Variants in LRRC4C observed in about 807,000 individuals in gnomAD.
The protein encoded by LRRC4C is leucine-rich repeat-containing protein 4C.
In LRRC4C, 5 loss-of-function variants were observed where a neutral mutation model predicts 33.6. The observed-to-expected ratio is 0.15, with a 90% confidence interval of 0.08 to 0.31. LRRC4C has a LOEUF of 0.31. Among genes scored for constraint, LRRC4C ranks in the 10% least tolerant of loss-of-function variants. The pLI, the probability that LRRC4C is intolerant of heterozygous loss-of-function variation, is 1.00. For synonymous variants in LRRC4C, 329 were observed against 302.0 expected, an observed-to-expected ratio of 1.09 and a Z score of -0.93; for missense variants, 560 against 796.7, an observed-to-expected ratio of 0.70 and a Z score of 3.58.
chr11:40,396,230 T>A (rs11035820), intron 3 of LRRC4C, among the ~76,000 whole-genome samples: 2 of 152,054 alleles, frequency 1.3e-5, no homozygotes, highest in Non-Finnish European at 2.9e-5. Context: ...GTTTCTGTTT[T>A]TTATTATTTT....
At chr11:40,288,541 A>G (rs12787379) in intron 4 of LRRC4C, among the ~76,000 whole-genome samples, 1 of 152,186 alleles carries the variant, frequency 6.6e-6, no homozygotes, top group African/African-American at 2.4e-5. Context: ...AAGGAAATGG[A>G]CAGAAAACAG....
chr11:40,731,214 G>A (rs1947566414), intron 2 of LRRC4C, among the ~76,000 whole-genome samples: 1 of 152,048 alleles, frequency 6.6e-6, no homozygotes. Flanking sequence ...AGCTACTCGG[G>A]AGGCTGAGGC....
At chr11:40,802,379 A>G (rs994687092) in intron 2 of LRRC4C, among the ~76,000 whole-genome samples, 1 of 152,162 alleles carries the variant, frequency 6.6e-6, no homozygotes, top group African/African-American at 2.4e-5. Context: ...TCACTTACAC[A>G]TGATTTAATA....
At chr11:40,701,151 C>T (rs954098847) in intron 2 of LRRC4C, among the ~76,000 whole-genome samples, 12 of 152,138 alleles carry the variant, frequency 7.9e-5, no homozygotes, top group Non-Finnish European at 1.2e-4. Flanking sequence ...TCAAAAAGAT[C>T]TCAATTGAAC....
chr11:41,090,194 A>G (rs745325183), intron 1 of LRRC4C, among the ~76,000 whole-genome samples: 15 of 152,134 alleles, frequency 9.9e-5, no homozygotes, highest in Non-Finnish European at 2.2e-4. Context: ...TGTGCATAAT[A>G]TGAGTTATAT....
intron 5 of LRRC4C, among the ~76,000 whole-genome samples, chr11:40,191,024 G>A (rs971209942): frequency 2.0e-5 from 3 of 152,098 alleles, no homozygotes; most frequent in Non-Finnish European, 1.5e-5. Context: ...AGCTACTATT[G>A]CTACTACTAT....
At chr11:40,751,683 A>G (rs1948697550) in intron 2 of LRRC4C, among the ~76,000 whole-genome samples, 1 of 152,140 alleles carries the variant, frequency 6.6e-6, no homozygotes, top group Admixed American at 6.6e-5. Context: ...TGCCCAAAGC[A>G]ATATACAAAT....
At chr11:40,362,952 A>G (rs1948026232) in intron 3 of LRRC4C, among the ~76,000 whole-genome samples, 1 of 152,196 alleles carries the variant, frequency 6.6e-6, no homozygotes, top group Non-Finnish European at 1.5e-5. Context: ...GGGAACACTT[A>G]CACGCTGTTG....
intron 5 of LRRC4C, among the ~76,000 whole-genome samples, chr11:40,158,399 C>T (rs1565067921): frequency 6.6e-6 from 1 of 151,894 alleles, no homozygotes; most frequent in African/African-American, 2.4e-5. Context: ...ACCTGTACCC[C>T]AATAACTTAA....
intron 1 of LRRC4C, among the ~76,000 whole-genome samples, chr11:41,143,275 C>T: frequency 6.6e-6 from 1 of 151,596 alleles, no homozygotes. Context: ...AACATGAATA[C>T]ATTCTTTTTA....
At chr11:41,433,066 A>G (rs1003657098) in intron 1 of LRRC4C, among the ~76,000 whole-genome samples, 6 of 152,154 alleles carry the variant, frequency 3.9e-5, no homozygotes, top group South Asian at 2.1e-4. Context: ...CAATGCCTCA[A>G]TAAAACACCT....
intron 2 of LRRC4C, among the ~76,000 whole-genome samples, chr11:40,905,142 C>T (rs898938870): frequency 6.6e-6 from 1 of 152,002 alleles, no homozygotes; most frequent in East Asian, 1.9e-4. Flanking sequence ...GTGGAATAGG[C>T]GGGGAGGATT....
chr11:41,078,619 A>G (rs769770681), intron 1 of LRRC4C, among the ~76,000 whole-genome samples: 1 of 152,084 alleles, frequency 6.6e-6, no homozygotes, highest in Non-Finnish European at 1.5e-5. Context: ...GTGAGAACTC[A>G]CTCATTAAGA....
At chr11:40,247,661 T>TC (rs895254252) in intron 4 of LRRC4C, among the ~76,000 whole-genome samples, 2 of 151,696 alleles carry the variant, frequency 1.3e-5, no homozygotes, top group African/African-American at 4.8e-5. Context: ...CTCTGCTTTT[T>TC]GTGTGTGCGT....
intron 2 of LRRC4C, among the ~76,000 whole-genome samples, chr11:40,665,898 A>G (rs1943781306): frequency 6.6e-6 from 1 of 152,126 alleles, no homozygotes; most frequent in Non-Finnish European, 1.5e-5. Flanking sequence ...AATACAATAT[A>G]TGGCAGAAAA....
chr11:41,163,281 A>ATTTTTTTTTTTTTTTT (rs1944553967), intron 1 of LRRC4C, among the ~76,000 whole-genome samples: 1 of 23,770 alleles, frequency 4.2e-5, no homozygotes, highest in Admixed American at 7.3e-4. Flanking sequence ...GTTTACTGTA[A>ATTTTTTTTTTTTTTTT]CTGTTTTTTT....
chr11:40,402,943 T>C (rs181104095), intron 3 of LRRC4C, among the ~76,000 whole-genome samples: 14 of 152,168 alleles, frequency 9.2e-5, no homozygotes, highest in African/African-American at 2.6e-4. Flanking sequence ...CTTATAATGT[T>C]GTTCATGCAA....
intron 1 of LRRC4C, among the ~76,000 whole-genome samples, chr11:41,111,135 A>G (rs1009505762): frequency 1.3e-5 from 2 of 152,086 alleles, no homozygotes; most frequent in Non-Finnish European, 2.9e-5. Context: ...GGCATTCTAT[A>G]AATGAAGAAA....
intron 3 of LRRC4C, among the ~76,000 whole-genome samples, chr11:40,510,963 G>A (rs992605447): frequency 6.6e-5 from 10 of 152,146 alleles, no homozygotes; most frequent in Non-Finnish European, 1.2e-4. Context: ...CTAAGACACA[G>A]GCACTCCCAG....
Sources: gnomAD v4.1 joint callset for allele counts (sites outside exome capture counted in the v4.1 genomes callset) on GRCh38, gnomAD v4.1.1 for gene constraint, MANE v1.5 for transcripts, NCBI Gene and HGNC (gene_info 2026-07-23, HGNC 2026-07-21) for gene names.